The following TMEM131 variants were observed in gnomAD, a reference collection of about 807,000 sequenced individuals.
TMEM131 encodes transmembrane protein 131, also known as 2610524E03Rik.
TMEM131 carries 66 observed loss-of-function variants against 211.6 expected under a neutral mutation model. The ratio of observed to expected loss-of-function variants is 0.31; its 90% CI spans 0.26 to 0.38. TMEM131 has a LOEUF of 0.38. Among genes scored for constraint, TMEM131 ranks in the 10% least tolerant of loss-of-function variants. The pLI is 1.00. For missense variants in TMEM131, 2,036 were observed against 2,299.3 expected, an observed-to-expected ratio of 0.89 and a Z score of 2.34; for synonymous variants, 844 against 841.3, an observed-to-expected ratio of 1.00 and a Z score of -0.06.
chr2:97,760,302 C>G (rs1559340143), intron 38 of TMEM131: 1 of 451,528 alleles, frequency 2.2e-6, no homozygotes, highest in Non-Finnish European at 4.1e-6. Flanking sequence ...CACATCTTAC[C>G]ACAGACCAGG....
intron 5 of TMEM131, among the ~76,000 whole-genome samples, chr2:97,849,681 A>G (rs1487922964): frequency 6.8e-6 from 1 of 146,666 alleles, no homozygotes; most frequent in East Asian, 2.0e-4. Context: ...CTATGTATAT[A>G]TATGTGTGTG....
intron 2 of TMEM131, among the ~76,000 whole-genome samples, chr2:97,926,780 C>T (rs974248633): frequency 6.6e-6 from 1 of 152,160 alleles, no homozygotes; most frequent in Non-Finnish European, 1.5e-5. Flanking sequence ...ACAAATCATG[C>T]TCCAGAATTT....
In TMEM131 at chr2:97,812,539, C is replaced by G. The variant is rs767417978; in HGVS notation, c.1745G>C (p.Trp582Ser). Residue 582 changes from tryptophan (W) to serine (S), a missense_variant, in exon 17 of 41, where the codon TGG (tryptophan) becomes TCG (serine). By Grantham distance (177) the Trp-to-Ser change is radical (BLOSUM62 -3). This residue lies in a region of TMEM131 where 1,623 missense variants were observed against 1,805.9 expected (regional missense o/e 0.90). Coordinates refer to ENST00000186436, the MANE Select transcript of TMEM131 (RefSeq NM_015348.2). ...TGATAAACCGTCTCCTATGATATGC[C>G]AACTTTTTATAGCCAACTTTAAAAA... ...SNPIELAIKSWHIIGDGLSIE... is the reference protein window; with the variant it reads ...SNPIELAIKSSHIIGDGLSIE... 1 of 1,604,040 alleles carries G rather than the reference C, an allele frequency of 6.2e-7. No homozygotes were observed. The highest frequency in any genetic ancestry group is 2.2e-5 in the East Asian group (1 of 44,740).
At chr2:97,949,848 T>C (rs1678220189) in intron 1 of TMEM131, among the ~76,000 whole-genome samples, 1 of 150,470 alleles carries the variant, frequency 6.6e-6, no homozygotes, top group African/African-American at 2.5e-5. Flanking sequence ...AAGTCAGTAT[T>C]TATTTTTACA....
chr2:97,762,102 G>C lies in TMEM131; in HGVS notation c.4822C>G (p.Pro1608Ala), dbSNP rs993115558. The C allele has an allele frequency of 5.6e-6, 9 of 1,612,954 alleles. No homozygotes were observed. The highest frequency in any genetic ancestry group is 7.6e-6 in the Non-Finnish European group (9 of 1,179,376). ...TSPTPASPSP[P>A]AAPCPFVARG... ...GCCACAAAGGGGCAGGGGGCAGCTG[G>C]GGGAGACGGGGAAGCAGGTGTCGGT... The change falls in exon 36 of 41, where the codon CCA (proline) becomes GCA (alanine). Residue 1608 changes from proline to alanine, a missense_variant. Physicochemically the swap from Pro to Ala is conservative, Grantham distance 27. Transcript: ENST00000186436.
chr2:97,760,497 G>A lies in TMEM131; in HGVS notation c.5108+96C>T, dbSNP rs1384442507. 6.1e-6 allele frequency: 7 copies of A among 1,154,928 alleles called. No individual in the cohort carries two copies. The Admixed American group carries it at 1.5e-4, about 25-fold the overall frequency. The allele number at this position is 1,154,928 out of a possible 1,614,324, so 71.5% of individuals were successfully genotyped here. A position where few individuals can be genotyped will look rare whatever the true frequency, so the allele number is the denominator to read the frequency against. On this transcript the variant is annotated intron_variant, in intron 38 of 40. Coordinates refer to ENST00000186436, the MANE Select transcript of TMEM131 (RefSeq NM_015348.2). ...GACAAATGCCTCCTTGTAAATTAGG[G>A]GAAAAATGCCCTGAAACCCATTTAT... is the stretch of plus-strand genomic sequence containing the variant.
At position 97,859,505 on chromosome 2, in the gene TMEM131, A is replaced by G. The variant is rs1673979406; in HGVS notation, c.360-78T>C. On this transcript the variant is annotated intron_variant, in intron 4 of 40. Transcript: ENST00000186436. ...TTTCTAGTTGTTAAAAAATTAATCAAAATTGTTAGACAAATACATAGCTAA... is the reference window on the plus strand; with the variant it reads ...TTTCTAGTTGTTAAAAAATTAATCAGAATTGTTAGACAAATACATAGCTAA... 15 of 1,265,662 alleles carry G rather than the reference A, an allele frequency of 1.2e-5. No individual in the cohort carries two copies. In the South Asian group the frequency reaches 2.5e-4, roughly 21 times the overall value. The allele number at this position is 1,265,662 out of a possible 1,614,324, so 78.4% of individuals were successfully genotyped here. A position where few individuals can be genotyped will look rare whatever the true frequency, so the allele number is the denominator to read the frequency against.
intron 3 of TMEM131, among the ~76,000 whole-genome samples, chr2:97,908,213 G>C (rs1003054100): frequency 6.6e-6 from 1 of 152,100 alleles, no homozygotes; most frequent in Non-Finnish European, 1.5e-5. Context: ...CCATCCCCCT[G>C]TTATCACAGG....
At chr2:97,797,105 T>A (rs1355222582) in intron 26 of TMEM131, 119 bp from the exon 27 acceptor site, 1 of 1,142,952 alleles carries the variant, frequency 8.7e-7, no homozygotes. Context: ...ATGGTGAGAA[T>A]TTATACTTTA....
intron 4 of TMEM131, among the ~76,000 whole-genome samples, chr2:97,861,223 G>C (rs542897138): frequency 6.6e-6 from 1 of 152,114 alleles, no homozygotes; most frequent in South Asian, 2.1e-4. Context: ...ATTCCTAAGA[G>C]AGTCCTAGTG....
intron 3 of TMEM131, among the ~76,000 whole-genome samples, chr2:97,891,939 C>T (rs1446791414): frequency 1.6e-4 from 24 of 152,104 alleles, no homozygotes; most frequent in Non-Finnish European, 3.5e-4. Context: ...ACATTACAGC[C>T]ACAAATAAGA....
chr2:97,843,941 C>T (rs1683312372), intron 6 of TMEM131, among the ~76,000 whole-genome samples: 2 of 151,754 alleles, frequency 1.3e-5, no homozygotes, highest in South Asian at 4.2e-4. Flanking sequence ...AACACTTTAG[C>T]TGTTGCTTTA....
chr2:97,786,099 G>C (rs946521496), intron 31 of TMEM131, among the ~76,000 whole-genome samples: 1 of 152,202 alleles, frequency 6.6e-6, no homozygotes, highest in Admixed American at 6.5e-5. Context: ...CTGTGTCTTG[G>C]CTGTATCAGC....
At chr2:97,773,742 ACAGG>A (rs1679578170) in intron 32 of TMEM131, among the ~76,000 whole-genome samples, 2 of 151,826 alleles carry the variant, frequency 1.3e-5, no homozygotes, top group Non-Finnish European at 2.9e-5. Flanking sequence ...AGCTAGGACT[ACAGG>A]CACATGCCAC....
chr2:97,964,173 T>G (rs962210050), intron 1 of TMEM131, among the ~76,000 whole-genome samples: 1 of 152,200 alleles, frequency 6.6e-6, no homozygotes, highest in Non-Finnish European at 1.5e-5. Flanking sequence ...AGAAATCTCC[T>G]ATGTCCCCAG....
intron 17 of TMEM131, 151 bp downstream of exon 17, chr2:97,812,270 A>C: frequency 1.2e-6 from 1 of 813,098 alleles, no homozygotes. Flanking sequence ...GGGTTGAATT[A>C]CATTACCTAT....
intron 7 of TMEM131, among the ~76,000 whole-genome samples, chr2:97,841,566 G>C (rs762194838): frequency 5.9e-5 from 9 of 152,144 alleles, no homozygotes; most frequent in Non-Finnish European, 1.3e-4. Flanking sequence ...TATAACACCA[G>C]AGAAGACACA....
At chr2:97,878,763 A>T (rs1041033643) in intron 4 of TMEM131, among the ~76,000 whole-genome samples, 1 of 152,060 alleles carries the variant, frequency 6.6e-6, no homozygotes, top group African/African-American at 2.4e-5. Flanking sequence ...GGGTTGATGC[A>T]TGCAGCAAAC....
intron 1 of TMEM131, among the ~76,000 whole-genome samples, chr2:97,990,763 C>T (rs550679160): frequency 3.3e-5 from 5 of 152,302 alleles, no homozygotes; most frequent in Admixed American, 3.3e-4. Flanking sequence ...ACTTCTGACT[C>T]TCAGGTTCTC....
Sources: allele counts gnomAD v4.1 joint callset (sites outside exome capture counted in the v4.1 genomes callset), GRCh38; gene constraint gnomAD v4.1.1; regional missense constraint gnomAD v4.1.1; transcripts MANE v1.5; gene names NCBI Gene and HGNC (gene_info 2026-07-23, HGNC 2026-07-21).